GLI2: variants seen among roughly 807,000 people sequenced by gnomAD.
GLI2 encodes the protein transcription activator GLI2.
GLI2 carries 22 observed loss-of-function variants against 78.9 expected under a neutral mutation model. The observed-to-expected ratio is 0.28, with a 90% CI of 0.20 to 0.40. The LOEUF (loss-of-function observed/expected upper bound fraction) is 0.40. Among genes scored for constraint, GLI2 ranks in the 10% least tolerant of loss-of-function variants. The pLI, the probability that GLI2 is intolerant of heterozygous loss-of-function variation, is 1.00. For synonymous variants in GLI2, 974 were observed against 963.7 expected, an observed-to-expected ratio of 1.01 and a Z score of -0.20; for missense variants, 2,097 against 2,213.2, an observed-to-expected ratio of 0.95 and a Z score of 1.05.
At chr2:120,789,330 ACTT>A (rs778973129) in intron 1 of GLI2, among the ~76,000 whole-genome samples, 47 of 151,902 alleles carry the variant, frequency 3.1e-4, no homozygotes, top group Non-Finnish European at 6.0e-4. Flanking sequence ...AGTCTCACCT[ACTT>A]CTGTCTCCCT....
At chr2:120,761,855 G>A (rs1265206726) in intron 1 of GLI2, among the ~76,000 whole-genome samples, 1 of 152,210 alleles carries the variant, frequency 6.6e-6, no homozygotes, top group Non-Finnish European at 1.5e-5. Context: ...GGGGCTCTGG[G>A]GAGGCAGTGA....
chr2:120,854,817 CAGT>C (rs1558835692), intron 2 of GLI2, among the ~76,000 whole-genome samples: 1 of 152,234 alleles, frequency 6.6e-6, no homozygotes, highest in East Asian at 1.9e-4. Context: ...GTTTCTGACT[CAGT>C]AGGCCTGCGA....
At chr2:120,754,970 G>C (rs1411473448) in intron 1 of GLI2, among the ~76,000 whole-genome samples, 1 of 151,748 alleles carries the variant, frequency 6.6e-6, no homozygotes, top group Non-Finnish European at 1.5e-5. Context: ...TCCTGCCTCA[G>C]CCTCCCAAGT....
intron 2 of GLI2, among the ~76,000 whole-genome samples, chr2:120,819,009 C>T (rs545025019): frequency 4.7e-4 from 71 of 152,130 alleles, no homozygotes; most frequent in Non-Finnish European, 7.9e-4. Context: ...AGCCAAGAAT[C>T]CAGACGCACT....
chr2:120,741,463 T>C (rs1286156101), intron 1 of GLI2, among the ~76,000 whole-genome samples: 1 of 149,536 alleles, frequency 6.7e-6, no homozygotes, highest in Non-Finnish European at 1.5e-5. Flanking sequence ...TCTCTCTGGG[T>C]CTCTCCTTTC....
At chr2:120,810,282 A>C (rs1357658467) in intron 2 of GLI2, among the ~76,000 whole-genome samples, 4 of 152,180 alleles carry the variant, frequency 2.6e-5, no homozygotes, top group Non-Finnish European at 5.9e-5. Flanking sequence ...TGGTGTTCCC[A>C]GTCCAGGTGT....
At chr2:120,741,743 GC>G (rs1682552217) in intron 1 of GLI2, among the ~76,000 whole-genome samples, 1 of 152,024 alleles carries the variant, frequency 6.6e-6, no homozygotes, top group South Asian at 2.1e-4. Context: ...GACATTCCGT[GC>G]CCCGAGCGCC....
intron 2 of GLI2, among the ~76,000 whole-genome samples, chr2:120,890,925 T>G (rs1308100210): frequency 1.3e-5 from 2 of 152,158 alleles, no homozygotes; most frequent in African/African-American, 4.8e-5. Context: ...CCAGTTCTCC[T>G]TCAGTCATTT....
chr2:120,855,130 C>T (rs1310009805), intron 2 of GLI2, among the ~76,000 whole-genome samples: 1 of 152,244 alleles, frequency 6.6e-6, no homozygotes, highest in African/African-American at 2.4e-5. Context: ...ACAGAACCCA[C>T]CAGACATGCA....
At position 120,989,743 on chromosome 2, in the gene GLI2, C is replaced by T. The variant is rs1683194123; in HGVS notation, c.3778C>T (p.Pro1260Ser). The T allele has an allele frequency of 6.2e-7, 1 of 1,612,822 alleles. No individual in the cohort carries two copies. The highest frequency in any genetic ancestry group is 8.5e-7 in the Non-Finnish European group (1 of 1,179,826). The change falls in exon 14 of 14, where the codon CCA becomes TCA. Residue 1260 changes from proline (P) to serine (S), a missense_variant. Pro to Ser is a moderately conservative substitution (Grantham distance 74). Coordinates refer to ENST00000361492, the MANE Select transcript of GLI2 (RefSeq NM_001374353.1). The part of the protein sequence containing the change: ...PQSCSNMPAK[P>S]GHLGHPQQTE... ...ATCCTGCAGCAACATGCCAGCCAAGCCAGGGCATCTGGGGCACCCTCAGCA... is the reference window on the plus strand; with the variant it reads ...ATCCTGCAGCAACATGCCAGCCAAGTCAGGGCATCTGGGGCACCCTCAGCA...
intron 2 of GLI2, among the ~76,000 whole-genome samples, chr2:120,841,848 GGTGTGTGTGTGTGTGTGTGTGT>G (rs555474895): frequency 2.3e-5 from 3 of 132,636 alleles, no homozygotes; most frequent in Non-Finnish European, 3.3e-5. Context: ...CAGTCTGGAG[GGTGTGTGTGTGTGTGTGTGTGT>G]GTGTGTGTGT....
At position 120,971,923 on chromosome 2, in the gene GLI2, C is replaced by T. The variant is rs1307797360; in HGVS notation, c.1060-18C>T. On this transcript the variant is annotated intron_variant, in intron 7 of 13. Transcript: ENST00000361492. Reference sequence around the variant, plus strand: ...CCCTGCCCCTGAGTAACAGACTGTCCTCTGCACCCTTCCTCAGAACAAGCA... The same window carrying T: ...CCCTGCCCCTGAGTAACAGACTGTCTTCTGCACCCTTCCTCAGAACAAGCA... 1.2e-6 allele frequency: 2 copies of T among 1,613,166 alleles called. No homozygotes were observed. Among genetic ancestry groups the T allele is most frequent in the Admixed American group, 1.7e-5 (1 of 60,030 alleles).
At chr2:120,776,664 G>A (rs1683684571) in intron 1 of GLI2, among the ~76,000 whole-genome samples, 1 of 152,154 alleles carries the variant, frequency 6.6e-6, no homozygotes, top group African/African-American at 2.4e-5. Context: ...ATTATCCCTG[G>A]ACTCTGGTTC....
chr2:120,758,132 C>T (rs1166981666), intron 1 of GLI2, among the ~76,000 whole-genome samples: 1 of 152,100 alleles, frequency 6.6e-6, no homozygotes, highest in Non-Finnish European at 1.5e-5. Flanking sequence ...TGGGGAGAGG[C>T]CTGAAGCTGA....
Position 120,841,093 on chromosome 2 carries a change from C to T in GLI2, c.148+43625C>T, listed in dbSNP as rs761035096. On this transcript the variant is annotated intron_variant, in intron 2 of 13. Transcript: ENST00000361492. The stretch of plus-strand genomic sequence containing the variant: ...GTATGGCTGAAACTCGAAGTCGCTA[C>T]GCTGTTGTTTTTCCTATGCAAAATT... Among the ~76,000 whole-genome samples, 4 of 152,130 alleles carry T rather than the reference C, an allele frequency of 2.6e-5. No individual in the cohort carries two copies. In the South Asian group the frequency reaches 6.2e-4, roughly 24 times the overall value.
At chr2:120,802,734 A>G (rs911280139) in intron 2 of GLI2, among the ~76,000 whole-genome samples, 4 of 152,096 alleles carry the variant, frequency 2.6e-5, no homozygotes, top group Admixed American at 2.6e-4. Context: ...GAGTTTTGCT[A>G]GTTTCTGGAA....
At chr2:120,904,840 T>C (rs921228817) in intron 2 of GLI2, among the ~76,000 whole-genome samples, 5 of 152,122 alleles carry the variant, frequency 3.3e-5, no homozygotes, top group Admixed American at 2.6e-4. Flanking sequence ...GTGGATGATG[T>C]CTCTCCCAAC....
Position 120,990,721 on chromosome 2 carries a change from GC to G in GLI2, c.*49del. ...GAGTGCACCCGGAGGGGTCATCGCT[GC>G]CCAGAGCCTGGGGATTCCAGCTGTC... is the stretch of plus-strand genomic sequence containing the variant. On this transcript the variant is annotated 3_prime_UTR_variant, in exon 14 of 14. Coordinates refer to ENST00000361492, the MANE Select transcript of GLI2 (RefSeq NM_001374353.1). The G allele has an allele frequency of 6.7e-7, 1 of 1,501,666 alleles. No individual in the cohort carries two copies. Among genetic ancestry groups the G allele is most frequent in the Non-Finnish European group, 9.1e-7 (1 of 1,095,542 alleles). 93.0% of individuals were successfully genotyped at this position (1,501,666 alleles called of 1,614,324 possible).
chr2:120,827,577 T>C (rs535243024), intron 2 of GLI2, among the ~76,000 whole-genome samples: 69 of 152,248 alleles, frequency 4.5e-4, no homozygotes, highest in African/African-American at 1.7e-3. Flanking sequence ...TGAAGAGATA[T>C]TTGCACACCC....
Sources: allele counts gnomAD v4.1 joint callset (sites outside exome capture counted in the v4.1 genomes callset), GRCh38; gene constraint gnomAD v4.1.1; transcripts MANE v1.5; gene names NCBI Gene and HGNC (gene_info 2026-07-23, HGNC 2026-07-21).